EVC2: variants seen among roughly 807,000 people sequenced by gnomAD.
EVC2 encodes EvC ciliary complex subunit 2.
Under a neutral mutation model 149.3 loss-of-function variants are expected in EVC2, and 148 were observed. That is an observed-to-expected ratio of 0.99 (90% CI 0.87 to 1.14). The LOEUF (loss-of-function observed/expected upper bound fraction) is 1.14, where lower values mean the gene tolerates loss of function less well. EVC2 is among the 50% of genes most tolerant of loss of function. EVC2 has a pLI of 0.00. For synonymous variants in EVC2, 776 were observed against 649.9 expected, an observed-to-expected ratio of 1.19 and a Z score of -2.95; for missense variants, 1,854 against 1,627.3, an observed-to-expected ratio of 1.14 and a Z score of -2.40.
chr4:5,708,261 G>C, intron 1 of EVC2, 25 bp downstream of exon 1: 3 of 1,470,470 alleles, frequency 2.0e-6, no homozygotes, highest in Non-Finnish European at 2.7e-6. Flanking sequence ...AGTCAGACCG[G>C]AGCCTGGGGT....
At chr4:5,605,318 G>A (rs1714299373) in intron 16 of EVC2, among the ~76,000 whole-genome samples, 2 of 152,130 alleles carry the variant, frequency 1.3e-5, no homozygotes, top group Non-Finnish European at 2.9e-5. Context: ...GAGCTACCTT[G>A]TCTTTGGGAA....
rs1172750792 is a variant in EVC2, at chr4:5,706,405, G to GATAC, written c.228+1880_228+1881insGTAT. ...ACATAGATAGATACATAGATAGATAGATAGATACATAGATAGATAGATACA... is the reference window on the plus strand; with the variant it reads ...ACATAGATAGATACATAGATAGATAGATACATAGATACATAGATAGATAGATACA... On this transcript the variant is annotated intron_variant, in intron 1 of 21. Transcript: ENST00000344408. Among the ~76,000 whole-genome samples, 15 of 45,330 alleles carry GATAC rather than the reference G, an allele frequency of 3.3e-4. 2 individuals are homozygous for GATAC. The highest frequency in any genetic ancestry group is 1.7e-3 in the South Asian group (3 of 1,752). The allele number at this position is 45,330 out of a possible 152,430, so 29.7% of individuals were successfully genotyped here. A position where few individuals can be genotyped will look rare whatever the true frequency, so the allele number is the denominator to read the frequency against.
rs543008787 is a variant in EVC2, at chr4:5,583,881, A to C, written c.3057+742T>G. ...CACAGTTTTTTTTTTTTTGAGACGG[A>C]GTCTTGCTCTGTCTCACCCAGGCTG... On this transcript the variant is annotated intron_variant, in intron 17 of 21. Coordinates refer to ENST00000344408, the MANE Select transcript of EVC2 (RefSeq NM_147127.5). Among the ~76,000 whole-genome samples, 5 of 145,672 alleles carry C rather than the reference A, an allele frequency of 3.4e-5. No individual in the cohort carries two copies. In the East Asian group the frequency reaches 1.1e-3, roughly 32 times the overall value.
At chr4:5,668,931 G>T (rs989578073) in intron 7 of EVC2, among the ~76,000 whole-genome samples, 1 of 152,168 alleles carries the variant, frequency 6.6e-6, no homozygotes, top group Non-Finnish European at 1.5e-5. Flanking sequence ...TTAAGATGAG[G>T]TCATACTGGG....
rs933676380 is a variant in EVC2 at position 5,687,419 on chromosome 4, G to C, written c.706+1738C>G. 7.8e-4 allele frequency among the ~76,000 whole-genome samples: 119 copies of C among 152,152 alleles called. 1 individual carries two copies. Among genetic ancestry groups the C allele is most frequent in the African/African-American group, 2.7e-3 (112 of 41,412 alleles). ...GGGTGTTACTAGCATGCCCAGAGGA[G>C]AGATGGAGAGCCAAGGTTCAGAGAC... On this transcript the variant is annotated intron_variant, in intron 5 of 21. Transcript: ENST00000344408.
At position 5,563,069 on chromosome 4, in the gene EVC2, A is replaced by G. The variant is rs1722056981; in HGVS notation, c.3706T>C (p.Ser1236Pro). The G allele has an allele frequency of 6.2e-7, 1 of 1,614,070 alleles. No individual in the cohort carries two copies. The highest frequency in any genetic ancestry group is 1.3e-5 in the African/African-American group (1 of 74,920). Residue 1236 changes from serine to proline, a missense_variant, in exon 22 of 22, where the codon TCT (serine) becomes CCT (proline). By Grantham distance (74) the Ser-to-Pro change is moderately conservative. Coordinates refer to ENST00000344408, the MANE Select transcript of EVC2 (RefSeq NM_147127.5). ...AGGTGTGGCCAACTTCCTTTTCCAG[A>G]GAATATCATCCTCTCTCTGAGAGGG... is the stretch of plus-strand genomic sequence containing the variant. ...CLPLRERMIF[S>P]GKGSWPHLSL...
intron 9 of EVC2, among the ~76,000 whole-genome samples, chr4:5,658,345 G>A (rs1197726853): frequency 6.6e-6 from 1 of 152,180 alleles, no homozygotes; most frequent in Non-Finnish European, 1.5e-5. Context: ...TGGGCTTCAA[G>A]TTTTTAGAGA....
At chr4:5,539,142 C>G (rs141344373), downstream of EVC2, among the ~76,000 whole-genome samples, 1 of 152,210 alleles carries the variant, frequency 6.6e-6, no homozygotes, top group Non-Finnish European at 1.5e-5. Flanking sequence ...AATTGGATTT[C>G]TATGATTTAG....
At chr4:5,629,037 C>T (rs183430435) in intron 11 of EVC2, among the ~76,000 whole-genome samples, 32 of 152,294 alleles carry the variant, frequency 2.1e-4, no homozygotes, top group East Asian at 1.2e-3. Context: ...CATCCATGCA[C>T]GCTCCCTTTC....
intron 8 of EVC2, 34 bp downstream of exon 8, chr4:5,665,481 A>G (rs1304292790): frequency 6.2e-7 from 1 of 1,613,710 alleles, no homozygotes. Flanking sequence ...CCTCACATTC[A>G]CCACCTTCCA....
intron 9 of EVC2, among the ~76,000 whole-genome samples, chr4:5,652,343 C>T (rs374018801): frequency 8.2e-5 from 12 of 146,814 alleles, no homozygotes; most frequent in Middle Eastern, 3.5e-3. Context: ...CCATGTTTAC[C>T]ACATGTGACA....
intron 16 of EVC2, among the ~76,000 whole-genome samples, chr4:5,587,583 G>A (rs184404039): frequency 1.1e-4 from 16 of 152,228 alleles, no homozygotes; most frequent in Admixed American, 2.6e-4. Context: ...GTTCTGTAGC[G>A]GGAAGAGCCG....
intron 9 of EVC2, among the ~76,000 whole-genome samples, chr4:5,646,708 T>C (rs747136445): frequency 6.6e-6 from 1 of 152,244 alleles, no homozygotes; most frequent in East Asian, 1.9e-4. Context: ...TGTTTCGTTA[T>C]GTTTTAGCAT....
intron 16 of EVC2, among the ~76,000 whole-genome samples, chr4:5,607,085 T>A (rs546507968): frequency 4.1e-4 from 63 of 152,304 alleles, no homozygotes. Flanking sequence ...GCCAAACCTA[T>A]ATTGTGTCTG....
the EVC2 span, among the ~76,000 whole-genome samples, chr4:5,529,411 C>T: frequency 3.2e-3 from 483 of 152,288 alleles, no homozygotes; most frequent in Non-Finnish European, 5.2e-3. The surrounding 1 kb of genome is among the most constrained non-coding windows in gnomAD (Gnocchi z 4.5). Flanking sequence ...ATTCAATTCG[C>T]TTTTTACCTC....
chr4:5,612,795 G>A (rs141068194), intron 16 of EVC2, among the ~76,000 whole-genome samples: 5,777 of 151,664 alleles, frequency 0.038, 333 homozygotes, highest in African/African-American at 0.13. Flanking sequence ...AGTAGCGGGC[G>A]CCTGTAGTCC....
chr4:5,684,360 C>T lies in EVC2; in HGVS notation c.816+1010G>A, dbSNP rs564019176. ...AACCACCACACTGGCCTCGCAGCCT[C>T]AGGGTGGAAGGAGGCCTCAGGAGGA... On this transcript the variant is annotated intron_variant, in intron 6 of 21. Coordinates refer to ENST00000344408, the MANE Select transcript of EVC2 (RefSeq NM_147127.5). 5.3e-5 allele frequency among the ~76,000 whole-genome samples: 8 copies of T among 152,294 alleles called. No homozygotes were observed. In the South Asian group the frequency reaches 1.2e-3, roughly 24 times the overall value.
Position 5,613,439 on chromosome 4 carries a change from T to C in EVC2, c.2829+1983A>G, listed in dbSNP as rs531655657. Among the ~76,000 whole-genome samples, 1 of 152,278 alleles carries C rather than the reference T, an allele frequency of 6.6e-6. No homozygotes were observed. The highest frequency in any genetic ancestry group is 2.1e-4 in the South Asian group (1 of 4,826). ...ACAAAGCAGCCGGTACTCAGGGAAA[T>C]GCTCCCTCTACCCCCGAGTATGGCT... On this transcript the variant is annotated intron_variant, in intron 16 of 21. Transcript: ENST00000344408. This position sits in a 1 kb window ranked among gnomAD's most constrained non-coding sequence, Gnocchi z 4.6.
At chr4:5,600,120 T>G (rs1053427621) in intron 16 of EVC2, among the ~76,000 whole-genome samples, 1 of 152,202 alleles carries the variant, frequency 6.6e-6, no homozygotes, top group African/African-American at 2.4e-5. Context: ...TGATCTATTA[T>G]CTCTTACATA....
Sources: gnomAD v4.1 joint callset for allele counts (sites outside exome capture counted in the v4.1 genomes callset) on GRCh38, gnomAD v4.1.1 for gene constraint, Gnocchi (gnomAD v3.1) non-coding constraint, MANE v1.5 for transcripts, NCBI Gene and HGNC (gene_info 2026-07-23, HGNC 2026-07-21) for gene names.